The following SMYD3 variants were observed in gnomAD, a reference collection of about 807,000 sequenced individuals.
The protein encoded by SMYD3 is histone-lysine N-methyltransferase SMYD3.
SMYD3 carries 36 observed loss-of-function variants against 57.7 expected under a neutral mutation model. That is an observed-to-expected ratio of 0.62 (90% CI 0.48 to 0.82). SMYD3 has a LOEUF of 0.82. SMYD3 is among the 40% of genes least tolerant of loss of function. The probability of loss-of-function intolerance (pLI) is 0.00; values close to 1 mark genes in which losing one functional copy is unlikely to be tolerated. For synonymous variants in SMYD3, 211 were observed against 195.0 expected, an observed-to-expected ratio of 1.08 and a Z score of -0.68; for missense variants, 515 against 538.8, an observed-to-expected ratio of 0.96 and a Z score of 0.44.
intron 1 of SMYD3, among the ~76,000 whole-genome samples, chr1:246,482,482 C>T (rs976024044): frequency 2.6e-5 from 4 of 152,004 alleles, no homozygotes; most frequent in Non-Finnish European, 4.4e-5. Context: ...CAATGGTTGA[C>T]GAAAGCCACT....
chr1:246,458,292 G>C (rs140617628), intron 1 of SMYD3, among the ~76,000 whole-genome samples: 73 of 152,216 alleles, frequency 4.8e-4, no homozygotes, highest in Non-Finnish European at 9.3e-4. Flanking sequence ...GATGAGAAAA[G>C]GAGAGTTAAA....
At chr1:246,443,425 A>G (rs1054452240) in intron 1 of SMYD3, among the ~76,000 whole-genome samples, 1 of 152,260 alleles carries the variant, frequency 6.6e-6, no homozygotes, top group Non-Finnish European at 1.5e-5. Context: ...GAATCAATAT[A>G]CATGTAACAC....
intron 7 of SMYD3, among the ~76,000 whole-genome samples, chr1:245,924,718 A>C (rs2056249069): frequency 7.1e-6 from 1 of 140,770 alleles, no homozygotes; most frequent in Non-Finnish European, 1.5e-5. Flanking sequence ...GCTGGAGTGC[A>C]ATGGTGCGAT....
intron 5 of SMYD3, among the ~76,000 whole-genome samples, chr1:246,310,122 CTA>C (rs1245076773): frequency 2.0e-5 from 3 of 152,092 alleles, no homozygotes; most frequent in Non-Finnish European, 4.4e-5. Context: ...GCACTGAATT[CTA>C]TGTTTATCAT....
At chr1:245,791,449 G>A (rs926205284) in intron 10 of SMYD3, among the ~76,000 whole-genome samples, 1 of 152,284 alleles carries the variant, frequency 6.6e-6, no homozygotes, top group South Asian at 2.1e-4. Context: ...CTCAGGGCAT[G>A]GTGACACTGT....
At chr1:245,915,070 C>A (rs1428943015) in intron 8 of SMYD3, among the ~76,000 whole-genome samples, 2 of 152,088 alleles carry the variant, frequency 1.3e-5, no homozygotes, top group Non-Finnish European at 2.9e-5. Flanking sequence ...AACTGTCTCA[C>A]TAAGTAGGGT....
chr1:245,910,486 C>T (rs1464632499), intron 8 of SMYD3, among the ~76,000 whole-genome samples: 3 of 151,876 alleles, frequency 2.0e-5, no homozygotes, highest in African/African-American at 2.4e-5. Context: ...CTGGACAAAA[C>T]GAACAAAGCT....
chr1:246,265,425 C>T (rs2064086925), intron 5 of SMYD3, among the ~76,000 whole-genome samples: 1 of 152,118 alleles, frequency 6.6e-6, no homozygotes, highest in Non-Finnish European at 1.5e-5. Flanking sequence ...AGGCATGAGC[C>T]ACTATATCCA....
At chr1:246,176,695 GTAT>G (rs1319478798) in intron 5 of SMYD3, among the ~76,000 whole-genome samples, 2 of 152,066 alleles carry the variant, frequency 1.3e-5, no homozygotes, top group Non-Finnish European at 2.9e-5. Flanking sequence ...GCAAATTACT[GTAT>G]TTTTTGCAGA....
intron 5 of SMYD3, among the ~76,000 whole-genome samples, chr1:245,976,861 T>C (rs113098888): frequency 0.064 from 646 of 10,088 alleles, 8 homozygotes; most frequent in East Asian, 0.23. Context: ...GTCTCTAGCC[T>C]AGGGAAAGCC....
chr1:246,020,632 T>C (rs1054574631), intron 5 of SMYD3, among the ~76,000 whole-genome samples: 3 of 152,218 alleles, frequency 2.0e-5, no homozygotes, highest in African/African-American at 7.2e-5. Context: ...GAGCGCTATA[T>C]GTCAGATAGT....
At chr1:246,466,871 T>A (rs10924738) in intron 1 of SMYD3, among the ~76,000 whole-genome samples, 59,157 of 151,420 alleles carry the variant, frequency 0.39, 13,132 homozygotes, top group East Asian at 0.62. Context: ...ATTTTTAAAA[T>A]TTTTTTTTTA....
intron 1 of SMYD3, among the ~76,000 whole-genome samples, chr1:246,442,377 C>T (rs1043702215): frequency 1.7e-4 from 26 of 152,062 alleles, no homozygotes; most frequent in Non-Finnish European, 3.2e-4. Context: ...GGTGAAACCC[C>T]GCCTCTACTA....
chr1:246,409,292 G>A (rs1434723329), intron 1 of SMYD3, among the ~76,000 whole-genome samples: 1 of 152,072 alleles, frequency 6.6e-6, no homozygotes, highest in African/African-American at 2.4e-5. Flanking sequence ...TTTCTTCTAG[G>A]GTTTTTATGG....
At chr1:246,383,493 C>A (rs965290046) in intron 1 of SMYD3, among the ~76,000 whole-genome samples, 4 of 152,054 alleles carry the variant, frequency 2.6e-5, no homozygotes, top group African/African-American at 7.2e-5. Context: ...AAGCACTGGT[C>A]TAATATACAA....
At chr1:245,843,971 C>T (rs545829724) in intron 10 of SMYD3, among the ~76,000 whole-genome samples, 1 of 152,230 alleles carries the variant, frequency 6.6e-6, no homozygotes, top group African/African-American at 2.4e-5. Flanking sequence ...TAAACACTTC[C>T]AACGATGGAG....
At chr1:246,256,226 T>C (rs111463940) in intron 5 of SMYD3, among the ~76,000 whole-genome samples, 40,432 of 151,824 alleles carry the variant, frequency 0.27, 6,051 homozygotes, top group East Asian at 0.58. Context: ...CCCTTTTTCA[T>C]GATTTTCTGC....
intron 5 of SMYD3, among the ~76,000 whole-genome samples, chr1:246,177,111 T>A (rs1211402981): frequency 6.6e-6 from 1 of 152,200 alleles, no homozygotes; most frequent in Admixed American, 6.5e-5. Context: ...TTAAATCTTT[T>A]CAAAACACAA....
At chr1:246,081,423 C>T (rs2787959) in intron 5 of SMYD3, among the ~76,000 whole-genome samples, 56,685 of 151,864 alleles carry the variant, frequency 0.37, 13,414 homozygotes, top group African/African-American at 0.67. Flanking sequence ...GACAGAGTCT[C>T]ACTCTGTCAC....
Sources: allele counts gnomAD v4.1 joint callset (sites outside exome capture counted in the v4.1 genomes callset), GRCh38; gene constraint gnomAD v4.1.1; transcripts MANE v1.5; gene names NCBI Gene and HGNC (gene_info 2026-07-23, HGNC 2026-07-21).